PATJ: variants seen among roughly 807,000 people sequenced by gnomAD.
PATJ encodes inaD-like protein.
PATJ carries 190 observed loss-of-function variants against 224.9 expected under a neutral mutation model. The ratio of observed to expected loss-of-function variants is 0.84; its 90% confidence interval spans 0.75 to 0.95. PATJ has a LOEUF of 0.95. Ranked by LOEUF, PATJ falls within the 40% of genes least tolerant of loss-of-function variation. PATJ has a pLI of 0.00. For synonymous variants in PATJ, 769 were observed against 820.3 expected (o/e 0.94, Z 1.07); for missense variants, 2,121 against 2,270.3 (o/e 0.93, Z 1.34).
intron 14 of PATJ, among the ~76,000 whole-genome samples, chr1:61,809,931 C>T (rs1156271277): frequency 6.7e-6 from 1 of 149,066 alleles, no homozygotes; most frequent in Non-Finnish European, 1.5e-5. Flanking sequence ...TTGCAACCTT[C>T]GCCTCCTGGG....
intron 17 of PATJ, among the ~76,000 whole-genome samples, chr1:61,850,061 G>A (rs892436516): frequency 1.1e-4 from 16 of 151,854 alleles, no homozygotes; most frequent in African/African-American, 2.9e-4. Flanking sequence ...TCTCTACTTC[G>A]TGTCTTTTCA....
Position 62,161,266 on chromosome 1 carries a change from CG to C in PATJ, c.*213del, listed in dbSNP as rs1669811035. 2 of 342,556 alleles carry C rather than the reference CG, an allele frequency of 5.8e-6. No individual in the cohort carries two copies. The highest frequency in any genetic ancestry group is 4.7e-5 in the Admixed American group (1 of 21,184). The allele number at this position is 342,556 out of a possible 1,614,324, so 21.2% of individuals were successfully genotyped here. On this transcript the variant is annotated 3_prime_UTR_variant, in exon 44 of 44. Coordinates refer to ENST00000642238, the MANE Select transcript of PATJ (RefSeq NM_001350145.3). ...TTTCCCAGTTCCTGTCACCTGTTGG[CG>C]AGGTTGATTTCTAAAACTTAAATGA... is the stretch of plus-strand genomic sequence containing the variant.
chr1:61,982,747 G>A (rs1644518974), intron 27 of PATJ, among the ~76,000 whole-genome samples: 2 of 151,982 alleles, frequency 1.3e-5, no homozygotes. Flanking sequence ...GTTGCCAAAA[G>A]CTAGTACTGA....
chr1:61,876,099 G>GT (rs1487231511), intron 21 of PATJ, among the ~76,000 whole-genome samples: 2 of 152,118 alleles, frequency 1.3e-5, no homozygotes, highest in African/African-American at 4.8e-5. Context: ...GTAATATGTT[G>GT]TAAGGGGAGA....
chr1:61,787,906 CA>C lies in PATJ; in HGVS notation c.1003del (p.Thr335ProfsTer15). 6.2e-7 allele frequency: 1 copy of C among 1,614,054 alleles called. No individual in the cohort carries two copies. ...GAGATCCAGCTGGTGACATTTCAGT[CA>C]CCCCCCCTGCCCCTGCAGCCTTACC... ...ARDPAGDISV[T>X]PPAPAALPVA... On this transcript the variant is annotated frameshift_variant, in exon 8 of 44. Coordinates refer to ENST00000642238, the MANE Select transcript of PATJ (RefSeq NM_001350145.3). LOFTEE classifies it high-confidence loss of function.
chr1:62,132,835 C>T (rs1191200393), intron 41 of PATJ, among the ~76,000 whole-genome samples: 4 of 151,608 alleles, frequency 2.6e-5, no homozygotes, highest in Non-Finnish European at 5.9e-5. Flanking sequence ...GCCCGGGGGG[C>T]AGAGGTTGCA....
intron 1 of PATJ, among the ~76,000 whole-genome samples, chr1:61,758,466 A>T (rs1645777293): frequency 6.6e-6 from 1 of 152,042 alleles, no homozygotes; most frequent in African/African-American, 2.4e-5. Flanking sequence ...CTCCTGACTC[A>T]GCCTCCCGAA....
intron 11 of PATJ, among the ~76,000 whole-genome samples, 178 bp downstream of exon 11, chr1:61,797,606 TGTCA>T (rs1466035893): frequency 6.6e-6 from 1 of 152,226 alleles, no homozygotes; most frequent in African/African-American, 2.4e-5. Flanking sequence ...TTGCTTACTA[TGTCA>T]GTCAGAATGG....
At chr1:61,823,464 G>A (rs1183154188) in intron 15 of PATJ, among the ~76,000 whole-genome samples, 2 of 152,184 alleles carry the variant, frequency 1.3e-5, no homozygotes, top group Non-Finnish European at 2.9e-5. Flanking sequence ...TGGTTTTCAC[G>A]TTTTCTCCTT....
chr1:61,883,439 T>G (rs942241120), intron 21 of PATJ, among the ~76,000 whole-genome samples: 2 of 152,050 alleles, frequency 1.3e-5, no homozygotes, highest in African/African-American at 4.8e-5. Flanking sequence ...AACTCATAGT[T>G]TGATGTGAGA....
At chr1:61,998,215 G>A (rs996933960) in intron 28 of PATJ, among the ~76,000 whole-genome samples, 1 of 150,942 alleles carries the variant, frequency 6.6e-6, no homozygotes, top group African/African-American at 2.4e-5. Flanking sequence ...GATGAACTGA[G>A]ATTATAGGCA....
At chr1:61,872,750 C>T (rs1025196066) in intron 20 of PATJ, among the ~76,000 whole-genome samples, 8 of 152,166 alleles carry the variant, frequency 5.3e-5, no homozygotes, top group African/African-American at 1.4e-4. Context: ...GGAAAATCCT[C>T]GGAGGCCCAC....
At chr1:61,849,334 G>A (rs144447581) in intron 17 of PATJ, among the ~76,000 whole-genome samples, 1,690 of 152,296 alleles carry the variant, frequency 0.011, 28 homozygotes, top group African/African-American at 0.039. Flanking sequence ...AGTGGCTCAT[G>A]CCTGTAATCC....
intron 25 of PATJ, among the ~76,000 whole-genome samples, chr1:61,909,180 T>A (rs1053989395): frequency 2.0e-5 from 3 of 152,088 alleles, no homozygotes; most frequent in Non-Finnish European, 4.4e-5. Flanking sequence ...AGGTTTCACC[T>A]TGTTGGCTAG....
chr1:61,873,041 C>T (rs192461614), intron 20 of PATJ, among the ~76,000 whole-genome samples: 1 of 152,276 alleles, frequency 6.6e-6, no homozygotes, highest in African/African-American at 2.4e-5. Flanking sequence ...ACAAAATTCA[C>T]ATTTTGTTTT....
intron 43 of PATJ, among the ~76,000 whole-genome samples, chr1:62,156,539 A>C (rs1669240162): frequency 6.6e-6 from 1 of 150,930 alleles, no homozygotes; most frequent in African/African-American, 2.4e-5. Context: ...CAAAAAAAAA[A>C]CCTCCAATGT....
At chr1:62,159,677 C>T (rs1291012794) in intron 43 of PATJ, among the ~76,000 whole-genome samples, 3 of 151,898 alleles carry the variant, frequency 2.0e-5, no homozygotes, top group South Asian at 4.2e-4. Context: ...CCTCAGCCTC[C>T]CGAGGAGCTG....
intron 10 of PATJ, among the ~76,000 whole-genome samples, chr1:61,796,688 TTC>T (rs1302682376): frequency 0.024 from 1,007 of 41,956 alleles, 13 homozygotes; most frequent in African/African-American, 0.034. Context: ...CTTTCTTTCT[TTC>T]TTTCTTTCTT....
chr1:62,148,465 G>T lies in PATJ; in HGVS notation c.5378+75G>T. 4 of 1,048,724 alleles carry T rather than the reference G, an allele frequency of 3.8e-6. No individual in the cohort carries two copies. In the Middle Eastern group the frequency reaches 6.1e-4, roughly 161 times the overall value. The allele number at this position is 1,048,724 out of a possible 1,614,324, so 65.0% of individuals were successfully genotyped here. On this transcript the variant is annotated intron_variant, in intron 42 of 43. Coordinates refer to ENST00000642238, the MANE Select transcript of PATJ (RefSeq NM_001350145.3). ...GAAGAACTTTTCCAGACACTCAAGT[G>T]CACTCTAAAGGAGAAGTGGCCAAAG...
Sources: gnomAD v4.1 joint callset for allele counts (sites outside exome capture counted in the v4.1 genomes callset) on GRCh38, gnomAD v4.1.1 for gene constraint, MANE v1.5 for transcripts, NCBI Gene and HGNC (gene_info 2026-07-23, HGNC 2026-07-21) for gene names.